VPS54: variants seen among roughly 807,000 people sequenced by gnomAD.
VPS54 encodes the protein VPS54 subunit of GARP complex, also known as vacuolar protein sorting-associated protein 54.
VPS54 carries 45 observed loss-of-function variants against 121.5 expected under a neutral mutation model. The ratio of observed to expected loss-of-function variants is 0.37; its 90% CI spans 0.29 to 0.47. The LOEUF (loss-of-function observed/expected upper bound fraction) is 0.47. VPS54 is among the 20% of genes least tolerant of loss of function. The pLI is 0.99. For missense variants in VPS54, 1,090 were observed against 1,131.4 expected (o/e 0.96, Z 0.52); for synonymous variants, 371 against 385.8 (o/e 0.96, Z 0.45).
intron 1 of VPS54, among the ~76,000 whole-genome samples, chr2:63,987,824 T>C (rs1449074398): frequency 6.6e-5 from 10 of 152,350 alleles, no homozygotes; most frequent in Non-Finnish European, 1.0e-4. Flanking sequence ...CTTTTTCACA[T>C]TGTTCAGTGT....
intron 9 of VPS54, among the ~76,000 whole-genome samples, chr2:63,946,551 TTTAAAC>T (rs1375058594): frequency 2.0e-5 from 3 of 152,106 alleles, no homozygotes; most frequent in Admixed American, 1.3e-4. Flanking sequence ...TTATTTAACT[TTTAAAC>T]TTAAACTTTA....
chr2:63,917,135 G>A (rs1015953072), intron 15 of VPS54, among the ~76,000 whole-genome samples, 172 bp from the exon 16 acceptor site: 3 of 152,084 alleles, frequency 2.0e-5, no homozygotes, highest in Non-Finnish European at 4.4e-5. Context: ...CTGGAAGTTG[G>A]AGAGATTTGG....
At chr2:63,910,174 G>A (rs549874386) in intron 20 of VPS54, among the ~76,000 whole-genome samples, 1 of 152,294 alleles carries the variant, frequency 6.6e-6, no homozygotes, top group African/African-American at 2.4e-5. Context: ...ATTAAAAACA[G>A]GGTCAAACTC....
intron 20 of VPS54, among the ~76,000 whole-genome samples, chr2:63,908,186 A>G (rs911479614): frequency 6.6e-6 from 1 of 152,240 alleles, no homozygotes; most frequent in African/African-American, 2.4e-5. Flanking sequence ...CAATTGGTGA[A>G]TGGATAAACA....
At chr2:63,968,431 G>A (rs112946136) in intron 5 of VPS54, among the ~76,000 whole-genome samples, 3,319 of 150,966 alleles carry the variant, frequency 0.022, 38 homozygotes, top group East Asian at 0.035. Context: ...AAAGAAAAAG[G>A]CCAGGCATGG....
chr2:63,994,502 C>T (rs192144635), intron 1 of VPS54, among the ~76,000 whole-genome samples: 6 of 152,218 alleles, frequency 3.9e-5, no homozygotes, highest in South Asian at 2.1e-4. Flanking sequence ...ACCGTTGCCC[C>T]GCTCAATCAG....
At chr2:63,929,671 A>G (rs1674088637) in intron 12 of VPS54, among the ~76,000 whole-genome samples, 1 of 152,004 alleles carries the variant, frequency 6.6e-6, no homozygotes, top group South Asian at 2.1e-4. Context: ...AGATCAGAGC[A>G]GAACTGAAGG....
chr2:63,906,873 AG>A (rs1672925596), intron 20 of VPS54, among the ~76,000 whole-genome samples: 1 of 152,242 alleles, frequency 6.6e-6, no homozygotes, highest in African/African-American at 2.4e-5. Context: ...TATAGGGAAA[AG>A]CTAAGGACCT....
chr2:63,942,166 T>A (rs937790186), intron 11 of VPS54, among the ~76,000 whole-genome samples: 2 of 152,074 alleles, frequency 1.3e-5, no homozygotes, highest in African/African-American at 4.8e-5. Context: ...TTAACAATAT[T>A]GTACCTCTAG....
At chr2:63,966,852 T>C (rs976502803) in intron 5 of VPS54, among the ~76,000 whole-genome samples, 1 of 152,214 alleles carries the variant, frequency 6.6e-6, no homozygotes, top group African/African-American at 2.4e-5. Context: ...AGTGTATTAA[T>C]ACATAAAGTA....
intron 12 of VPS54, among the ~76,000 whole-genome samples, chr2:63,931,656 G>A (rs1286382537): frequency 6.6e-6 from 1 of 152,130 alleles, no homozygotes; most frequent in Non-Finnish European, 1.5e-5. Context: ...TTGACAAATG[G>A]GATCTAATTA....
At chr2:64,007,375 A>G (rs868000548) in intron 1 of VPS54, among the ~76,000 whole-genome samples, 1 of 152,328 alleles carries the variant, frequency 6.6e-6, no homozygotes, top group African/African-American at 2.4e-5. Context: ...AGTCCATGGA[A>G]GTAGAGTAGA....
intron 4 of VPS54, 107 bp from the exon 5 acceptor site, chr2:63,969,098 C>A: frequency 1.1e-6 from 1 of 888,640 alleles, no homozygotes. Context: ...ATCCAAATAA[C>A]TAAAGTTTAT....
chr2:64,006,414 CCATA>C (rs1678156391), intron 1 of VPS54, among the ~76,000 whole-genome samples: 1 of 152,196 alleles, frequency 6.6e-6, no homozygotes, highest in Non-Finnish European at 1.5e-5. Context: ...AGAGTATTGG[CCATA>C]CAATCAGTTA....
chr2:63,957,473 A>G (rs1037765200), intron 7 of VPS54, among the ~76,000 whole-genome samples: 1 of 151,928 alleles, frequency 6.6e-6, no homozygotes, highest in Non-Finnish European at 1.5e-5. Flanking sequence ...TTATGTCCTA[A>G]TAATTAAAAT....
chr2:63,997,498 C>T (rs1219081303), intron 1 of VPS54, among the ~76,000 whole-genome samples: 1 of 152,186 alleles, frequency 6.6e-6, no homozygotes, highest in African/African-American at 2.4e-5. Context: ...CAGTTGCTCA[C>T]AGTAGCCGCT....
rs149516429 is a variant in VPS54, at chr2:63,949,766, G to A, written c.1011-603C>T. 5.9e-5 allele frequency among the ~76,000 whole-genome samples: 9 copies of A among 152,186 alleles called. No individual in the cohort carries two copies. In the East Asian group the frequency reaches 1.2e-3, roughly 20 times the overall value. ...CAGGCACACTCAGTATAACTTTACCGAAATGCACTGTAATTTCTGACTTTA... is the reference window on the plus strand; with the variant it reads ...CAGGCACACTCAGTATAACTTTACCAAAATGCACTGTAATTTCTGACTTTA... On this transcript the variant is annotated intron_variant, in intron 7 of 22. Transcript: ENST00000272322.
intron 20 of VPS54, among the ~76,000 whole-genome samples, chr2:63,908,153 C>G (rs1672984210): frequency 6.6e-6 from 1 of 152,072 alleles, no homozygotes; most frequent in Non-Finnish European, 1.5e-5. Flanking sequence ...CAGCCAAAAA[C>G]TGGAGAAAAT....
intron 9 of VPS54, among the ~76,000 whole-genome samples, chr2:63,946,936 C>A (rs1419360723): frequency 6.6e-6 from 1 of 151,974 alleles, no homozygotes; most frequent in Non-Finnish European, 1.5e-5. Context: ...GTACGAAAAA[C>A]AAACAAAATA....
Sources: allele counts gnomAD v4.1 joint callset (sites outside exome capture counted in the v4.1 genomes callset), GRCh38; gene constraint gnomAD v4.1.1; transcripts MANE v1.5; gene names NCBI Gene and HGNC (gene_info 2026-07-23, HGNC 2026-07-21).